Variants in TRIM9 observed in about 807,000 individuals in gnomAD.
The protein encoded by TRIM9 is E3 ubiquitin-protein ligase TRIM9.
In TRIM9, 26 loss-of-function variants were observed where a neutral mutation model predicts 78.3. That is an observed-to-expected ratio of 0.33 (90% CI 0.24 to 0.46). TRIM9 has a LOEUF of 0.46. Ranked by LOEUF, TRIM9 falls within the 20% of genes least tolerant of loss-of-function variation. TRIM9 has a pLI of 1.00. For synonymous variants in TRIM9, 398 were observed against 416.5 expected, an observed-to-expected ratio of 0.96 and a Z score of 0.54; for missense variants, 787 against 1,036.4, an observed-to-expected ratio of 0.76 and a Z score of 3.30.
At chr14:51,053,205 G>A (rs1295850331) in intron 1 of TRIM9, among the ~76,000 whole-genome samples, 1 of 149,912 alleles carries the variant, frequency 6.7e-6, no homozygotes, top group African/African-American at 2.4e-5. Flanking sequence ...ACTATCTATA[G>A]AGTAAAAACA....
intron 1 of TRIM9, among the ~76,000 whole-genome samples, chr14:51,030,879 G>C (rs1018870612): frequency 6.6e-6 from 1 of 152,022 alleles, no homozygotes; most frequent in African/African-American, 2.4e-5. Context: ...GGGCGTGGTG[G>C]CTCATGCTTG....
intron 7 of TRIM9, 107 bp downstream of exon 7, chr14:50,997,943 G>T: frequency 6.5e-7 from 1 of 1,544,608 alleles, no homozygotes. Flanking sequence ...AGCAAGTCAT[G>T]GAAACACTTC....
chr14:51,004,463 T>C (rs140213263), intron 5 of TRIM9, among the ~76,000 whole-genome samples: 48 of 152,260 alleles, frequency 3.2e-4, no homozygotes, highest in Non-Finnish European at 6.5e-4. Context: ...ATCTTTCAGA[T>C]TGTGAACACT....
chr14:51,065,273 C>T (rs1328262228), intron 1 of TRIM9, among the ~76,000 whole-genome samples: 7 of 152,094 alleles, frequency 4.6e-5, no homozygotes, highest in African/African-American at 1.2e-4. Context: ...ACTTTGAAAC[C>T]GCTGAATGTC....
intron 1 of TRIM9, among the ~76,000 whole-genome samples, chr14:51,028,449 A>G (rs545407242): frequency 9.2e-5 from 14 of 152,344 alleles, no homozygotes; most frequent in African/African-American, 2.9e-4. Context: ...GTAGAAGAAC[A>G]TTGTTATTGA....
chr14:51,043,354 T>C (rs1203821409), intron 1 of TRIM9, among the ~76,000 whole-genome samples: 1 of 151,516 alleles, frequency 6.6e-6, no homozygotes, highest in East Asian at 1.9e-4. Context: ...CCAAAGGGGG[T>C]CGGCGGGGAA....
At chr14:51,015,203 T>C (rs1232626485) in intron 3 of TRIM9, among the ~76,000 whole-genome samples, 1 of 152,186 alleles carries the variant, frequency 6.6e-6, no homozygotes, top group African/African-American at 2.4e-5. Flanking sequence ...CTCTTTGAAT[T>C]CTCAGACATT....
intron 1 of TRIM9, among the ~76,000 whole-genome samples, chr14:51,064,745 A>G (rs1439728579): frequency 6.6e-6 from 1 of 152,124 alleles, no homozygotes; most frequent in African/African-American, 2.4e-5. Context: ...TGAAATCAAC[A>G]ACAGCCTAGA....
At chr14:51,000,509 C>T (rs2054837619) in intron 6 of TRIM9, among the ~76,000 whole-genome samples, 174 bp downstream of exon 6, 1 of 152,306 alleles carries the variant, frequency 6.6e-6, no homozygotes, top group Middle Eastern at 3.4e-3. Flanking sequence ...GAGACTGCTC[C>T]ATCCACCTTC....
At chr14:50,997,832 G>A in intron 7 of TRIM9, 1 of 1,392,276 alleles carries the variant, frequency 7.2e-7, no homozygotes, top group Admixed American at 2.9e-5. Flanking sequence ...GCCGGCCCAA[G>A]CCATTGGAAC....
At chr14:51,059,474 G>A (rs372619396) in intron 1 of TRIM9, among the ~76,000 whole-genome samples, 1 of 149,130 alleles carries the variant, frequency 6.7e-6, no homozygotes, top group African/African-American at 2.4e-5. Context: ...ACAATGAAGA[G>A]AATGAAAAAA....
At chr14:50,990,899 T>A (rs1036682421) in intron 7 of TRIM9, among the ~76,000 whole-genome samples, 1 of 152,202 alleles carries the variant, frequency 6.6e-6, no homozygotes, top group Admixed American at 6.5e-5. Context: ...GAATGAAGAA[T>A]GAGGCTGTTT....
intron 1 of TRIM9, among the ~76,000 whole-genome samples, chr14:51,070,802 A>C (rs2062155068): frequency 6.6e-6 from 1 of 152,196 alleles, no homozygotes; most frequent in African/African-American, 2.4e-5. Flanking sequence ...TGAAGGTAAA[A>C]ACTATTCCTG....
intron 1 of TRIM9, among the ~76,000 whole-genome samples, chr14:51,086,371 G>A (rs995327888): frequency 2.6e-5 from 4 of 152,168 alleles, no homozygotes; most frequent in Non-Finnish European, 5.9e-5. Flanking sequence ...AATCTTTAGA[G>A]CAGTGCCTGC....
At chr14:50,993,006 G>C (rs1288662535) in intron 7 of TRIM9, among the ~76,000 whole-genome samples, 1 of 152,184 alleles carries the variant, frequency 6.6e-6, no homozygotes, top group Non-Finnish European at 1.5e-5. Context: ...AGGACAGGCA[G>C]GGCTGGAAAG....
chr14:51,053,159 C>CAAA (rs34525509), intron 1 of TRIM9, among the ~76,000 whole-genome samples: 24 of 133,550 alleles, frequency 1.8e-4, no homozygotes, highest in Non-Finnish European at 3.1e-4. Flanking sequence ...GACCCTGTTT[C>CAAA]AAAAAAAAAA....
chr14:51,072,271 A>G (rs190901204), intron 1 of TRIM9, among the ~76,000 whole-genome samples: 8 of 152,252 alleles, frequency 5.3e-5, no homozygotes, highest in African/African-American at 1.9e-4. Context: ...TTATTTTACT[A>G]CATTAAAAAA....
rs149727516 is a variant in TRIM9, at chr14:51,047,519, C to T, written c.823-22159G>A. ...CCCAGAGATATTATAAAGTTAGAAA[C>T]CAAGAGAGGACACTCTGCAGCAAGT... On this transcript the variant is annotated intron_variant, in intron 1 of 12. Coordinates refer to ENST00000684578, the MANE Select transcript of TRIM9 (RefSeq NM_001387360.1). Among the ~76,000 whole-genome samples, 376 of 152,248 alleles carry T rather than the reference C, an allele frequency of 2.5e-3. 1 individual carries two copies. The highest frequency in any genetic ancestry group is 4.5e-3 in the Non-Finnish European group (306 of 68,022).
chr14:50,999,571 T>C (rs1007200834), intron 6 of TRIM9, among the ~76,000 whole-genome samples: 9 of 152,126 alleles, frequency 5.9e-5, no homozygotes, highest in African/African-American at 2.2e-4. Flanking sequence ...TTAAACCTAG[T>C]GGGGGATCAA....
Sources: gnomAD v4.1 joint callset for allele counts (sites outside exome capture counted in the v4.1 genomes callset) on GRCh38, gnomAD v4.1.1 for gene constraint, MANE v1.5 for transcripts, NCBI Gene and HGNC (gene_info 2026-07-23, HGNC 2026-07-21) for gene names.